NLRP12: variants seen among roughly 807,000 people sequenced by gnomAD.
NLRP12 encodes NLR family pyrin domain containing 12.
In NLRP12, 108 loss-of-function variants were observed where a neutral mutation model predicts 91.2. The ratio of observed to expected loss-of-function variants is 1.18; its 90% confidence interval spans 1.01 to 1.39. NLRP12 has a LOEUF of 1.39. Among genes scored for constraint, NLRP12 ranks in the 40% most tolerant of loss-of-function variants. The pLI is 0.00. For synonymous variants in NLRP12, 613 were observed against 566.7 expected, an observed-to-expected ratio of 1.08 and a Z score of -1.16; for missense variants, 1,530 against 1,352.7, an observed-to-expected ratio of 1.13 and a Z score of -2.06.
intron 1 of NLRP12, 145 bp from the exon 2 acceptor site, chr19:53,815,133 T>C: frequency 1.4e-6 from 1 of 708,398 alleles, no homozygotes. Flanking sequence ...ATAGGCCGTG[T>C]GTGGGAAATA....
chr19:53,816,162 C>T (rs1363856031), intron 1 of NLRP12, among the ~76,000 whole-genome samples: 2 of 152,128 alleles, frequency 1.3e-5, no homozygotes, highest in East Asian at 3.9e-4. Flanking sequence ...CCCCAAAGTC[C>T]TAAGTGTGAG....
Position 53,795,876 on chromosome 19 carries a change from G to A in NLRP12, c.3081C>T (p.Cys1027=), listed in dbSNP as rs770006186. 36 of 1,613,914 alleles carry A rather than the reference G, an allele frequency of 2.2e-5. No homozygotes were observed. The African/African-American group carries it at 4.3e-4, about 19-fold the overall frequency. The change falls in exon 9 of 10, where the codon TGC becomes TGT. Residue 1027 remains cysteine, a synonymous_variant. Coordinates refer to ENST00000324134, the MANE Select transcript of NLRP12 (RefSeq NM_144687.4). ...LLCKRLSHPG[C]KLRVLWLFGM... ...TCCCTCACCAGAGGACTCGGAGTTT[G>A]CAGCCAGGATGGCTCAGCCGCTTGC...
chr19:53,810,313 G>GC lies in NLRP12; in HGVS notation c.1345dup (p.Ala449GlyfsTer29), dbSNP rs1482176412. 27 of 1,613,664 alleles carry GC rather than the reference G, an allele frequency of 1.7e-5. No individual in the cohort carries two copies. Among genetic ancestry groups the GC allele is most frequent in the Admixed American group, 5.0e-5 (3 of 59,978 alleles). ...GTTGGGTGGGGGCTGGAGGCGCGGGGCCCCCGGCTTGGGTTGCATCAGACT... is the reference window on the plus strand; with the variant it reads ...GTTGGGTGGGGGCTGGAGGCGCGGGGCCCCCCGGCTTGGGTTGCATCAGACT... On this transcript the variant is annotated frameshift_variant, in exon 3 of 10. Transcript: ENST00000324134. LOFTEE classifies it high-confidence loss of function.
At chr19:53,794,324 ATTT>A (rs796563330) in intron 9 of NLRP12, among the ~76,000 whole-genome samples, 188 bp from the exon 10 acceptor site, 1 of 145,744 alleles carries the variant, frequency 6.9e-6, no homozygotes, top group Non-Finnish European at 1.5e-5. Flanking sequence ...TAACTGCATA[ATTT>A]TTTTTTTTTT....
chr19:53,798,199 G>C (rs755605853), intron 8 of NLRP12, 44 bp downstream of exon 8: 50 of 1,607,016 alleles, frequency 3.1e-5, no homozygotes, highest in Non-Finnish European at 4.0e-5. Flanking sequence ...CGCTTCCACT[G>C]TCCAAACGTG....
At chr19:53,812,795 T>G (rs1232528268) in intron 2 of NLRP12, among the ~76,000 whole-genome samples, 1 of 151,954 alleles carries the variant, frequency 6.6e-6, no homozygotes, top group Non-Finnish European at 1.5e-5. Context: ...TATAGTGACA[T>G]ACACATAAAA....
rs535633706 is a variant in NLRP12 at position 53,803,203 on chromosome 19, C to T, written c.2585+749G>A. Among the ~76,000 whole-genome samples the T allele has an allele frequency of 4.7e-5, 7 of 149,920 alleles. No individual in the cohort carries two copies. The South Asian group carries it at 6.3e-4, about 13-fold the overall frequency. ...TCTGGAACTTTTTTTTTTTTTGAGACGGAGTTTCGTTTTTGTTGTCCAGGC... is the reference window on the plus strand; with the variant it reads ...TCTGGAACTTTTTTTTTTTTTGAGATGGAGTTTCGTTTTTGTTGTCCAGGC... On this transcript the variant is annotated intron_variant, in intron 6 of 9. Transcript: ENST00000324134.
At chr19:53,814,541 G>A (rs1288262379) in intron 2 of NLRP12, among the ~76,000 whole-genome samples, 2 of 152,106 alleles carry the variant, frequency 1.3e-5, no homozygotes, top group Admixed American at 6.6e-5. Context: ...AGTAGAGACG[G>A]GGTTTTGCCA....
chr19:53,797,584 A>AATTTTTGT (rs2091789383), intron 8 of NLRP12, among the ~76,000 whole-genome samples: 1 of 150,750 alleles, frequency 6.6e-6, no homozygotes, highest in East Asian at 2.0e-4. Context: ...ACACTGGGTT[A>AATTTTTGT]ATTTTTGTAT....
At chr19:53,804,249 G>C (rs969994255) in intron 5 of NLRP12, 127 bp from the exon 6 acceptor site, 2 of 1,062,948 alleles carry the variant, frequency 1.9e-6, no homozygotes, top group South Asian at 1.4e-5. Flanking sequence ...GTGAAGTTCA[G>C]TGGAGTGATA....
intron 3 of NLRP12, chr19:53,808,295 C>G (rs1388078542): frequency 5.8e-6 from 1 of 171,872 alleles, no homozygotes; most frequent in Admixed American, 5.4e-5. Flanking sequence ...ATCTGACGCT[C>G]CTAATCATTG....
intron 7 of NLRP12, among the ~76,000 whole-genome samples, chr19:53,798,843 G>A (rs2091818602): frequency 6.6e-6 from 1 of 152,016 alleles, no homozygotes; most frequent in Non-Finnish European, 1.5e-5. Context: ...ACAAGCTCAA[G>A]CGATTCTCCT....
At chr19:53,820,690 TA>T (rs200576682) in intron 1 of NLRP12, among the ~76,000 whole-genome samples, 68 of 80,332 alleles carry the variant, frequency 8.5e-4, no homozygotes, top group Admixed American at 2.4e-3. Context: ...AAAAATAAAT[TA>T]TTTTTTTTTT....
intron 5 of NLRP12, among the ~76,000 whole-genome samples, chr19:53,804,565 C>T (rs547509531): frequency 9.3e-5 from 14 of 150,628 alleles, no homozygotes; most frequent in South Asian, 2.1e-4. Flanking sequence ...TGTGCCACCA[C>T]GCCCAGCTAA....
At chr19:53,805,034 G>GA (rs1568667581) in intron 5 of NLRP12, among the ~76,000 whole-genome samples, 1 of 151,940 alleles carries the variant, frequency 6.6e-6, no homozygotes, top group Non-Finnish European at 1.5e-5. Flanking sequence ...CGTCTCGGGA[G>GA]AAAAAAAGAA....
intron 1 of NLRP12, among the ~76,000 whole-genome samples, chr19:53,819,635 A>C (rs2092233927): frequency 6.9e-6 from 1 of 144,590 alleles, no homozygotes; most frequent in Non-Finnish European, 1.5e-5. Context: ...ACGCGTATAT[A>C]TGTATGTATA....
intron 5 of NLRP12, among the ~76,000 whole-genome samples, chr19:53,804,703 T>C (rs2091929478): frequency 6.7e-6 from 1 of 149,180 alleles, no homozygotes; most frequent in Non-Finnish European, 1.5e-5. Flanking sequence ...GAACCACCGC[T>C]CCTGGCCCAT....
rs2122684543 is a variant in NLRP12 at position 53,811,296 on chromosome 19, A to G, written c.371-8T>C. 6.2e-7 allele frequency: 1 copy of G among 1,613,360 alleles called. No individual in the cohort carries two copies. Among genetic ancestry groups the G allele is most frequent in the Non-Finnish European group, 8.5e-7 (1 of 1,179,982 alleles). ...TGTAGGTTTCCTGGGGATCTAGGGG[A>G]GAGGAATGAAGGTTTTGTGGAAGAC... On this transcript the variant is annotated splice_region_variant and splice_polypyrimidine_tract_variant and intron_variant, in intron 2 of 9. Transcript: ENST00000324134.
intron 4 of NLRP12, among the ~76,000 whole-genome samples, chr19:53,806,772 C>T (rs1376198326): frequency 6.8e-6 from 1 of 147,398 alleles, no homozygotes; most frequent in African/African-American, 2.5e-5. Flanking sequence ...GCAAGAGGAT[C>T]GCTTGAGTCC....
Sources: allele counts gnomAD v4.1 joint callset (sites outside exome capture counted in the v4.1 genomes callset), GRCh38; gene constraint gnomAD v4.1.1; transcripts MANE v1.5; gene names NCBI Gene and HGNC (gene_info 2026-07-23, HGNC 2026-07-21).